Variants in GBF1 observed in about 807,000 individuals in gnomAD.
GBF1 encodes the protein golgi brefeldin A resistant guanine nucleotide exchange factor 1.
A neutral mutation model predicts 210.5 loss-of-function variants in GBF1; 114 were observed. That is an observed-to-expected ratio of 0.54 (90% CI 0.47 to 0.63). The LOEUF is 0.63. Among genes scored for constraint, GBF1 ranks in the 30% least tolerant of loss-of-function variants. The probability of loss-of-function intolerance (pLI) is 0.00; values close to 1 mark genes in which losing one functional copy is unlikely to be tolerated. For missense variants in GBF1, 1,851 were observed against 2,357.7 expected (o/e 0.79, Z 4.45); for synonymous variants, 850 against 889.2 (o/e 0.96, Z 0.78).
chr10:102,252,568 G>A (rs567950260), intron 1 of GBF1, among the ~76,000 whole-genome samples: 1 of 152,160 alleles, frequency 6.6e-6, no homozygotes, highest in East Asian at 1.9e-4. Context: ...GAATGATGTG[G>A]CGTGGTGGCC....
At chr10:102,344,567 A>G (rs199782021) in intron 4 of GBF1, among the ~76,000 whole-genome samples, 10 of 148,356 alleles carry the variant, frequency 6.7e-5, no homozygotes, top group Non-Finnish European at 1.2e-4. Flanking sequence ...TGCAAGCTCC[A>G]CCTCCCGGGT....
At chr10:102,266,048 G>A (rs894666152) in intron 3 of GBF1, among the ~76,000 whole-genome samples, 12 of 151,976 alleles carry the variant, frequency 7.9e-5, no homozygotes, top group Admixed American at 2.6e-4. Flanking sequence ...CCATCCTGGC[G>A]AACACGGTGA....
At position 102,351,171 on chromosome 10, in the gene GBF1, CTG is replaced by C. The variant is rs138403926; in HGVS notation, c.296-83_296-82del. ...GGGTTAGGGAACTGAAGAGGAAAAA[CTG>C]TCTCTCAAAGCTAGACAGGCTGCCT... is the stretch of plus-strand genomic sequence containing the variant. On this transcript the variant is annotated intron_variant, in intron 4 of 39. Coordinates refer to ENST00000369983, the MANE Select transcript of GBF1 (RefSeq NM_001377137.1). 1.2e-3 allele frequency: 893 copies of C among 765,008 alleles called. 6 individuals carry two copies. In the African/African-American group the frequency reaches 0.014, roughly 12 times the overall value. The allele number at this position is 765,008 out of a possible 1,614,324, so 47.4% of individuals were successfully genotyped here. A position where few individuals can be genotyped will look rare whatever the true frequency, so the allele number is the denominator to read the frequency against.
intron 3 of GBF1, among the ~76,000 whole-genome samples, chr10:102,270,316 CG>C (rs1254427618): frequency 6.6e-6 from 1 of 151,738 alleles, no homozygotes; most frequent in Non-Finnish European, 1.5e-5. Context: ...ATTACAGGCA[CG>C]GGCCACCACG....
At chr10:102,313,329 G>T (rs551168604) in intron 3 of GBF1, among the ~76,000 whole-genome samples, 1 of 152,074 alleles carries the variant, frequency 6.6e-6, no homozygotes, top group African/African-American at 2.4e-5. Flanking sequence ...GATTTACGAG[G>T]TGTGGGCCCT....
chr10:102,359,778 CTTT>C (rs57877868), intron 11 of GBF1, among the ~76,000 whole-genome samples: 2 of 139,280 alleles, frequency 1.4e-5, no homozygotes, highest in Admixed American at 7.3e-5. Flanking sequence ...AATCCTTTTC[CTTT>C]TTTTTTTTTT....
At chr10:102,272,222 A>C (rs1331274587) in intron 3 of GBF1, among the ~76,000 whole-genome samples, 1 of 151,946 alleles carries the variant, frequency 6.6e-6, no homozygotes, top group Non-Finnish European at 1.5e-5. Context: ...CTCCTGCCTC[A>C]GCCTCCCCAG....
chr10:102,258,820 C>A, intron 1 of GBF1, 109 bp from the exon 2 acceptor site: 17 of 503,500 alleles, frequency 3.4e-5, no homozygotes, highest in South Asian at 4.6e-5. Context: ...AATCTTGGTA[C>A]TGAAAAGTTA....
At chr10:102,237,887 G>C in the GBF1 span, among the ~76,000 whole-genome samples, 101,583 of 149,750 alleles carry the variant, frequency 0.68, 34,786 homozygotes, top group African/African-American at 0.81. Context: ...CTCCTCCCCC[G>C]CCCACCCCAC....
intron 3 of GBF1, among the ~76,000 whole-genome samples, chr10:102,293,134 C>G (rs1320845516): frequency 1.3e-5 from 2 of 152,098 alleles, no homozygotes; most frequent in African/African-American, 2.4e-5. Flanking sequence ...TCTGAAGATG[C>G]ATCAGTGTAC....
At chr10:102,380,464 A>C (rs907120440) in intron 37 of GBF1, 42 bp from the exon 38 acceptor site, 1 of 1,597,012 alleles carries the variant, frequency 6.3e-7, no homozygotes, top group Non-Finnish European at 8.6e-7. Flanking sequence ...TACTCCCCCC[A>C]TGCCCTCTTT....
intron 3 of GBF1, among the ~76,000 whole-genome samples, chr10:102,306,400 T>C (rs2077876542): frequency 6.6e-6 from 1 of 152,152 alleles, no homozygotes; most frequent in South Asian, 2.1e-4. Flanking sequence ...ATGTGATTGC[T>C]CTGGGAGGGA....
At position 102,360,350 on chromosome 10, in the gene GBF1, C is replaced by A; in HGVS notation, c.1347C>A (p.Thr449=). The change falls in exon 12 of 40, where the codon ACC becomes ACA. Residue 449 remains threonine, a synonymous_variant. Transcript: ENST00000369983. The stretch of plus-strand genomic sequence containing the variant: ...CAGCCCCTGTAGCCCAGTGCCAGAC[C>A]CTCTTGGGCCTCATCAAGGATGAGA... ...LESAPVAQCQ[T]LLGLIKDEMC... is the part of the protein sequence containing the mutation. 1 of 1,613,426 alleles carries A rather than the reference C, an allele frequency of 6.2e-7. No homozygotes were observed. Among genetic ancestry groups the A allele is most frequent in the Non-Finnish European group, 8.5e-7 (1 of 1,179,370 alleles).
At chr10:102,313,024 A>G (rs2078614658) in intron 3 of GBF1, among the ~76,000 whole-genome samples, 2 of 152,110 alleles carry the variant, frequency 1.3e-5, no homozygotes, top group Non-Finnish European at 2.9e-5. Flanking sequence ...GTGGTGTCTT[A>G]TAGATACAGT....
chr10:102,311,898 C>T (rs1372731971), intron 3 of GBF1, among the ~76,000 whole-genome samples: 2 of 152,224 alleles, frequency 1.3e-5, no homozygotes, highest in Non-Finnish European at 2.9e-5. Context: ...CCAGCCATAA[C>T]AATTCCCTCA....
At chr10:102,336,627 A>T (rs1774197062) in intron 3 of GBF1, among the ~76,000 whole-genome samples, 1 of 152,252 alleles carries the variant, frequency 6.6e-6, no homozygotes, top group African/African-American at 2.4e-5. Flanking sequence ...AAGTAATTAA[A>T]GTCACATAGC....
chr10:102,336,464 A>AGTGTGTAC (rs1337521771), intron 3 of GBF1, among the ~76,000 whole-genome samples: 1 of 152,138 alleles, frequency 6.6e-6, no homozygotes, highest in African/African-American at 2.4e-5. Flanking sequence ...ACATGCATCA[A>AGTGTGTAC]ATGAGATAGT....
At chr10:102,298,059 C>G (rs1020150788) in intron 3 of GBF1, among the ~76,000 whole-genome samples, 1 of 151,998 alleles carries the variant, frequency 6.6e-6, no homozygotes, top group Non-Finnish European at 1.5e-5. Flanking sequence ...CTCAGCCTCC[C>G]GAGTAGCTGG....
intron 3 of GBF1, among the ~76,000 whole-genome samples, chr10:102,323,065 CCTCTT>C (rs1473369654): frequency 6.6e-6 from 1 of 151,906 alleles, no homozygotes; most frequent in Non-Finnish European, 1.5e-5. Flanking sequence ...CAGCTGAACA[CCTCTT>C]CTCACAGTCT....
Sources: allele counts gnomAD v4.1 joint callset (sites outside exome capture counted in the v4.1 genomes callset), GRCh38; gene constraint gnomAD v4.1.1; transcripts MANE v1.5; gene names NCBI Gene and HGNC (gene_info 2026-07-23, HGNC 2026-07-21).